PDS5A: variants seen among roughly 807,000 people sequenced by gnomAD.
PDS5A encodes the protein PDS5 cohesin associated factor A, also known as sister chromatid cohesion protein PDS5 homolog A.
A neutral mutation model predicts 167.1 loss-of-function variants in PDS5A; 42 were observed. That is an observed-to-expected ratio of 0.25 (90% CI 0.20 to 0.33). The LOEUF is 0.33. Ranked by LOEUF, PDS5A falls within the 10% of genes least tolerant of loss-of-function variation. The probability of loss-of-function intolerance (pLI) is 1.00; values close to 1 mark genes in which losing one functional copy is unlikely to be tolerated. For synonymous variants in PDS5A, 553 were observed against 554.6 expected, an observed-to-expected ratio of 1.00 and a Z score of 0.04; for missense variants, 1,033 against 1,605.9, an observed-to-expected ratio of 0.64 and a Z score of 6.10.
intron 2 of PDS5A, chr4:39,936,897 AAAGT>A: frequency 6.6e-6 from 1 of 152,384 alleles, no homozygotes; most frequent in South Asian, 2.1e-4. Context: ...AGGTGGAAGA[AAAGT>A]ATGTAACTCA....
intron 2 of PDS5A, among the ~76,000 whole-genome samples, chr4:39,967,242 T>G (rs972641089): frequency 2.6e-5 from 4 of 152,008 alleles, no homozygotes; most frequent in Middle Eastern, 3.4e-3. Flanking sequence ...GAGACAGAGG[T>G]TGCAGTGAGC....
chr4:39,973,106 T>C (rs1322527319), intron 2 of PDS5A: 2 of 778,110 alleles, frequency 2.6e-6, no homozygotes, highest in Non-Finnish European at 2.3e-6. Flanking sequence ...CACAAGTTTC[T>C]TTTCGTGGTC....
At chr4:39,968,080 C>T (rs937016144) in intron 2 of PDS5A, among the ~76,000 whole-genome samples, 3 of 151,944 alleles carry the variant, frequency 2.0e-5, no homozygotes, top group African/African-American at 7.3e-5. Flanking sequence ...TCCATTAAGC[C>T]CTTTATGGAA....
At chr4:39,972,379 G>A (rs2664205) in intron 2 of PDS5A, among the ~76,000 whole-genome samples, 37,077 of 152,016 alleles carry the variant, frequency 0.24, 4,969 homozygotes, top group East Asian at 0.44. Context: ...AATTAGCTGG[G>A]CATAGTGGCA....
intron 2 of PDS5A, among the ~76,000 whole-genome samples, chr4:39,935,151 G>A (rs1726473850): frequency 6.6e-6 from 1 of 152,066 alleles, no homozygotes; most frequent in South Asian, 2.1e-4. Context: ...TGACTGATTG[G>A]GACGGAGTCT....
At chr4:39,860,471 A>G (rs541218081) in intron 26 of PDS5A, among the ~76,000 whole-genome samples, 2 of 152,180 alleles carry the variant, frequency 1.3e-5, no homozygotes, top group Non-Finnish European at 2.9e-5. Flanking sequence ...GTCTCAAAAA[A>G]AAAAAGGAAA....
In PDS5A at chr4:39,977,040, G is replaced by C. The variant is rs1292688163; in HGVS notation, c.-41+417C>G. 6.6e-6 allele frequency among the ~76,000 whole-genome samples: 1 copy of C among 152,148 alleles called. No individual in the cohort carries two copies. The highest frequency in any genetic ancestry group is 2.4e-5 in the African/African-American group (1 of 41,444). ...CCGAGGCCTATAGGGCTCGGCTTAG[G>C]CCGCAAAACTAGGGACCCAGCGGAC... On this transcript the variant is annotated intron_variant, in intron 1 of 32. Coordinates refer to ENST00000303538, the MANE Select transcript of PDS5A (RefSeq NM_001100399.2). The surrounding 1 kb of genome is among the most constrained non-coding windows in gnomAD (Gnocchi z 4.2).
intron 10 of PDS5A, among the ~76,000 whole-genome samples, chr4:39,909,111 C>CT (rs889527945): frequency 1.8e-5 from 2 of 111,782 alleles, no homozygotes; most frequent in East Asian, 2.5e-4. Flanking sequence ...ACAGTTACAT[C>CT]TTTTTTTTAA....
chr4:39,965,324 C>A (rs1309677569), intron 2 of PDS5A, among the ~76,000 whole-genome samples: 2 of 152,160 alleles, frequency 1.3e-5, no homozygotes, highest in Non-Finnish European at 2.9e-5. Context: ...AGGTATCAAG[C>A]GTTTAAGTAA....
chr4:39,840,255 C>T (rs1168269020), intron 31 of PDS5A, among the ~76,000 whole-genome samples: 1 of 152,212 alleles, frequency 6.6e-6, no homozygotes, highest in Non-Finnish European at 1.5e-5. Context: ...CACCACTCCT[C>T]TCCTGCCAAA....
At chr4:39,951,059 A>C (rs1046888348) in intron 2 of PDS5A, among the ~76,000 whole-genome samples, 2 of 151,810 alleles carry the variant, frequency 1.3e-5, no homozygotes, top group African/African-American at 4.8e-5. Context: ...GCATCACCAT[A>C]CTCAGCTTTT....
At chr4:39,898,679 T>A in intron 15 of PDS5A, 98 bp downstream of exon 15, 1 of 947,236 alleles carries the variant, frequency 1.1e-6, no homozygotes, top group Non-Finnish European at 1.6e-6. Context: ...TAAAGATTAT[T>A]TTCTTTTACT....
chr4:39,902,946 G>A (rs1414240443), intron 12 of PDS5A, among the ~76,000 whole-genome samples: 5 of 152,158 alleles, frequency 3.3e-5, no homozygotes, highest in South Asian at 4.1e-4. Context: ...TTTCAGTACA[G>A]TTTAACTTTA....
At chr4:39,969,929 T>C (rs1730340413) in intron 2 of PDS5A, among the ~76,000 whole-genome samples, 1 of 149,958 alleles carries the variant, frequency 6.7e-6, no homozygotes, top group Admixed American at 6.7e-5. Context: ...AAATGTAATA[T>C]GAAGGAGTTG....
rs1237789979 is a variant in PDS5A, at chr4:39,878,872, T to C, written c.1992+856A>G. ...GATTCTCCTGCCTCAGCCTCCGAAG[T>C]AGCTGTGACTACAGGCGTGTGCCAC... On this transcript the variant is annotated intron_variant, in intron 18 of 32. Coordinates refer to ENST00000303538, the MANE Select transcript of PDS5A (RefSeq NM_001100399.2). 8.6e-5 allele frequency among the ~76,000 whole-genome samples: 13 copies of C among 152,040 alleles called. No homozygotes were observed. In the South Asian group the frequency reaches 1.7e-3, roughly 19 times the overall value.
rs2030278 is a variant in PDS5A, at chr4:39,877,640, C to T, written c.1993-487G>A. Reference sequence around the variant, plus strand: ...ATAATCTATGAGAATTTTTTTTTTTCTTTTTTTGAGACAGGATTTCACTCT... The same window carrying T: ...ATAATCTATGAGAATTTTTTTTTTTTTTTTTTTGAGACAGGATTTCACTCT... On this transcript the variant is annotated intron_variant, in intron 18 of 32. Coordinates refer to ENST00000303538, the MANE Select transcript of PDS5A (RefSeq NM_001100399.2). 6.4e-3 allele frequency among the ~76,000 whole-genome samples: 952 copies of T among 148,980 alleles called. 12 individuals are homozygous for T. The highest frequency in any genetic ancestry group is 0.022 in the African/African-American group (888 of 40,604).
chr4:39,903,065 C>G, intron 12 of PDS5A, among the ~76,000 whole-genome samples: 1 of 87,470 alleles, frequency 1.1e-5, no homozygotes, highest in East Asian at 6.1e-4. Context: ...TCCGCCTATT[C>G]TTCTTCAGCA....
chr4:39,936,358 T>C (rs143739387), intron 2 of PDS5A, among the ~76,000 whole-genome samples: 6 of 152,238 alleles, frequency 3.9e-5, no homozygotes, highest in African/African-American at 1.4e-4. Flanking sequence ...AGCTATAAAT[T>C]TCAGGTTTCC....
intron 30 of PDS5A, among the ~76,000 whole-genome samples, chr4:39,842,903 C>CTTA (rs1717158352): frequency 1.7e-4 from 4 of 23,986 alleles, no homozygotes; most frequent in African/African-American, 8.8e-4. Context: ...TAAACTTATC[C>CTTA]TATTTTTATA....
Sources: allele counts gnomAD v4.1 joint callset (sites outside exome capture counted in the v4.1 genomes callset), GRCh38; gene constraint gnomAD v4.1.1; non-coding constraint Gnocchi (gnomAD v3.1); transcripts MANE v1.5; gene names NCBI Gene and HGNC (gene_info 2026-07-23, HGNC 2026-07-21).